The following RNF123 variants were observed in gnomAD, a reference collection of about 807,000 sequenced individuals.
RNF123 encodes the protein E3 ubiquitin-protein ligase RNF123.
In RNF123, 86 loss-of-function variants were observed where a neutral mutation model predicts 168.5. That is an observed-to-expected ratio of 0.51 (90% CI 0.43 to 0.61). RNF123 has a LOEUF of 0.61. Ranked by LOEUF, RNF123 falls within the 20% of genes least tolerant of loss-of-function variation. The pLI, the probability that RNF123 is intolerant of heterozygous loss-of-function variation, is 0.00. For synonymous variants in RNF123, 666 were observed against 689.1 expected (o/e 0.97, Z 0.52); for missense variants, 1,419 against 1,729.7 (o/e 0.82, Z 3.19).
At position 49,697,200 on chromosome 3, in the gene RNF123, C is replaced by T. The variant is rs1336605542; in HGVS notation, c.225C>T (p.Asp75=). ...ATTTGGACCAGTTGCTACAGGTGGACAATGAGGAGGAGGAAAGCCAGGGTA... is the reference window on the plus strand; with the variant it reads ...ATTTGGACCAGTTGCTACAGGTGGATAATGAGGAGGAGGAAAGCCAGGGTA... The part of the protein sequence containing the change: ...PEHLDQLLQV[D]NEEEESQGQV... The change falls in exon 4 of 39, where the codon GAC becomes GAT. Residue 75 remains aspartate (D), a synonymous_variant. Coordinates refer to ENST00000327697, the MANE Select transcript of RNF123 (RefSeq NM_022064.5). 1 of 1,614,032 alleles carries T rather than the reference C, an allele frequency of 6.2e-7. No homozygotes were observed. Among genetic ancestry groups the T allele is most frequent in the Non-Finnish European group, 8.5e-7 (1 of 1,179,974 alleles).
chr3:49,713,663 T>G (rs2080185896), intron 28 of RNF123, 75 bp from the exon 29 acceptor site: 1 of 1,572,436 alleles, frequency 6.4e-7, no homozygotes, highest in Non-Finnish European at 8.6e-7. Flanking sequence ...CTATGAAAAA[T>G]GTGGCCAGGT....
Position 49,719,098 on chromosome 3 carries a change from G to A in RNF123, c.3501-1413G>A, listed in dbSNP as rs2080324317. On this transcript the variant is annotated intron_variant, in intron 35 of 38. Coordinates refer to ENST00000327697, the MANE Select transcript of RNF123 (RefSeq NM_022064.5). ...CCCGTCGAGGTCGTGGCGGCCAAGC[G>A]CCCGCAACGTGTTAGATGATAGATC... 6.2e-6 allele frequency: 10 copies of A among 1,613,366 alleles called. No individual in the cohort carries two copies. Among genetic ancestry groups the A allele is most frequent in the Non-Finnish European group, 7.6e-6 (9 of 1,180,016 alleles).
intron 26 of RNF123, among the ~76,000 whole-genome samples, chr3:49,709,866 C>T (rs987982090): frequency 2.6e-5 from 4 of 152,262 alleles, no homozygotes; most frequent in Non-Finnish European, 5.9e-5. Context: ...AGCCACCGCG[C>T]CCGGCCAATT....
At position 49,703,558 on chromosome 3, in the gene RNF123, T is replaced by C. The variant is rs753741420; in HGVS notation, c.1852+30T>C. The C allele has an allele frequency of 1.9e-6, 3 of 1,581,128 alleles. No homozygotes were observed. The East Asian group carries it at 6.8e-5, about 36-fold the overall frequency. Reference sequence around the variant, plus strand: ...GTACAGGCCTGTGGGCCGGGAGCAGTTCTGGGGCCAGGTGGGGGACTGTCC... The same window carrying C: ...GTACAGGCCTGTGGGCCGGGAGCAGCTCTGGGGCCAGGTGGGGGACTGTCC... On this transcript the variant is annotated intron_variant, in intron 21 of 38. Coordinates refer to ENST00000327697, the MANE Select transcript of RNF123 (RefSeq NM_022064.5).
At position 49,720,798 on chromosome 3, in the gene RNF123, A is replaced by C; in HGVS notation, c.3644-2A>C. The C allele has an allele frequency of 1.2e-6, 2 of 1,614,160 alleles. No individual in the cohort carries two copies. Among genetic ancestry groups the C allele is most frequent in the Non-Finnish European group, 1.7e-6 (2 of 1,180,020 alleles). On this transcript the variant is annotated splice_acceptor_variant, in intron 36 of 38. Transcript: ENST00000327697. LOFTEE classifies it high-confidence loss of function. Reference sequence around the variant, plus strand: ...GACTTGACACTACCTACCACTCCCCAGATGCGGATTATATCAGTGCCGATG... The same window carrying C: ...GACTTGACACTACCTACCACTCCCCCGATGCGGATTATATCAGTGCCGATG...
chr3:49,703,921 G>T (rs888203417), intron 21 of RNF123, among the ~76,000 whole-genome samples: 1 of 152,232 alleles, frequency 6.6e-6, no homozygotes, highest in Non-Finnish European at 1.5e-5. Flanking sequence ...GGCTGCCGCA[G>T]TGTATACGCC....
At position 49,712,655 on chromosome 3, in the gene RNF123, AGGTG is replaced by A. The variant is rs1252349205; in HGVS notation, c.2674_2674+3del. 1 of 1,614,024 alleles carries A rather than the reference AGGTG, an allele frequency of 6.2e-7. No homozygotes were observed. Among genetic ancestry groups the A allele is most frequent in the Non-Finnish European group, 8.5e-7 (1 of 1,180,038 alleles). ...CCGTGCACAGCATGGAGGAGCTCCC[AGGTG>A]ATGGAACCATTCAGGCTGAGGCAGA... On this transcript the variant is annotated splice_donor_variant and splice_donor_region_variant and coding_sequence_variant and intron_variant, in exon 27 of 39. Transcript: ENST00000327697. LOFTEE classifies it high-confidence loss of function.
At position 49,698,460 on chromosome 3, in the gene RNF123, C is replaced by G; in HGVS notation, c.504C>G (p.His168Gln). 5 of 1,613,926 alleles carry G rather than the reference C, an allele frequency of 3.1e-6. No homozygotes were observed. Among genetic ancestry groups the G allele is most frequent in the South Asian group, 1.1e-5 (1 of 91,088 alleles). Residue 168 changes from histidine to glutamine, a missense_variant, in exon 8 of 39, where the codon CAC (histidine) becomes CAG (glutamine). Transcript: ENST00000327697. Reference sequence around the variant, plus strand: ...CCTAGGAGGGGGTTGGAGATACACACAACTCCTATGCCTATGATGGCAACC... The same window carrying G: ...CCTAGGAGGGGGTTGGAGATACACAGAACTCCTATGCCTATGATGGCAACC... ...FNQEEGVGDTHNSYAYDGNRV... is the reference protein window; with the variant it reads ...FNQEEGVGDTQNSYAYDGNRV...
intron 3 of RNF123, among the ~76,000 whole-genome samples, chr3:49,696,077 CT>C (rs1488672699): frequency 2.0e-5 from 3 of 152,188 alleles, no homozygotes; most frequent in Admixed American, 2.0e-4. Flanking sequence ...ACTCCCCTGG[CT>C]GGGTGGTGGC....
At chr3:49,709,987 G>A (rs976838559) in intron 26 of RNF123, among the ~76,000 whole-genome samples, 7 of 151,946 alleles carry the variant, frequency 4.6e-5, no homozygotes, top group African/African-American at 1.5e-4. Flanking sequence ...TATCCTTACC[G>A]ACACTTCTTA....
In RNF123 at chr3:49,699,733, C is replaced by T; in HGVS notation, c.945C>T (p.Leu315=). 6.2e-7 allele frequency: 1 copy of T among 1,613,724 alleles called. No individual in the cohort carries two copies. The highest frequency in any genetic ancestry group is 8.5e-7 in the Non-Finnish European group (1 of 1,180,010). ...TGCGGGGCCAGCCCACCGTCCTCCTCACACTGGCCCACATCTTCCATCACT... is the reference window on the plus strand; with the variant it reads ...TGCGGGGCCAGCCCACCGTCCTCCTTACACTGGCCCACATCTTCCATCACT... ...WRLRGQPTVL[L]TLAHIFHHFA... Residue 315 remains leucine, a synonymous_variant, in exon 12 of 39, where the codon CTC becomes CTT. Coordinates refer to ENST00000327697, the MANE Select transcript of RNF123 (RefSeq NM_022064.5). This position sits in a 1 kb window ranked among gnomAD's most constrained non-coding sequence, Gnocchi z 4.8.
At chr3:49,706,111 C>A in intron 25 of RNF123, 46 bp downstream of exon 25, 1 of 1,527,126 alleles carries the variant, frequency 6.5e-7, no homozygotes. Flanking sequence ...CTTACTCGTA[C>A]AGGTAACCAC....
chr3:49,716,315 A>G (rs2108200990), intron 34 of RNF123, 78 bp from the exon 35 acceptor site: 1 of 1,554,478 alleles, frequency 6.4e-7, no homozygotes, highest in East Asian at 2.3e-5. Context: ...CCTTCTGTAG[A>G]GAGGGCAGTG....
At chr3:49,719,659 C>A in intron 35 of RNF123, 1 of 574,848 alleles carries the variant, frequency 1.7e-6, no homozygotes, top group Non-Finnish European at 3.1e-6. Context: ...CTTAGCCGCG[C>A]TCCCTTCGGC....
rs750146737 is a variant in RNF123, at chr3:49,712,344, C to T, written c.2497-135C>T. On this transcript the variant is annotated intron_variant, in intron 26 of 38. Transcript: ENST00000327697. Reference sequence around the variant, plus strand: ...CTTGATTGCCCTGCTTGAGCTACTGCTCATGCTTCCTGAAATCCAGGTCTC... The same window carrying T: ...CTTGATTGCCCTGCTTGAGCTACTGTTCATGCTTCCTGAAATCCAGGTCTC... 3.5e-5 allele frequency: 28 copies of T among 788,998 alleles called. 1 individual carries two copies. The highest frequency in any genetic ancestry group is 5.2e-5 in the Non-Finnish European group (26 of 497,456). 48.9% of individuals were successfully genotyped at this position (788,998 alleles called of 1,614,324 possible).
chr3:49,690,976 G>A (rs1033749019), intron 1 of RNF123, among the ~76,000 whole-genome samples, 154 bp from the exon 2 acceptor site: 7 of 152,196 alleles, frequency 4.6e-5, no homozygotes, highest in African/African-American at 1.7e-4. Flanking sequence ...TCCCTGTGTA[G>A]GAAGCTGGGA....
chr3:49,694,073 G>T (rs1019094158), intron 3 of RNF123, among the ~76,000 whole-genome samples: 1 of 151,980 alleles, frequency 6.6e-6, no homozygotes, highest in African/African-American at 2.4e-5. Flanking sequence ...TTTGTTGATC[G>T]TTTACTTTGC....
chr3:49,698,808 T>A lies in RNF123; in HGVS notation c.624T>A (p.Thr208=). The A allele has an allele frequency of 6.2e-7, 1 of 1,613,926 alleles. No homozygotes were observed. Among genetic ancestry groups the A allele is most frequent in the Non-Finnish European group, 8.5e-7 (1 of 1,179,936 alleles). ...GCCTGATTGACCTGGATGATGGCACTCTGTCCTTCTGCCTGTGAGTTTCCT... is the reference window on the plus strand; with the variant it reads ...GCCTGATTGACCTGGATGATGGCACACTGTCCTTCTGCCTGTGAGTTTCCT... ...VSCLIDLDDG[T]LSFCLNGVSL... The change falls in exon 9 of 39, where the codon ACT becomes ACA. Residue 208 remains threonine, a synonymous_variant. Coordinates refer to ENST00000327697, the MANE Select transcript of RNF123 (RefSeq NM_022064.5).
rs376007228 is a variant in RNF123 at position 49,720,855 on chromosome 3, C to A, written c.3699C>A (p.His1233Gln). 185 of 1,614,054 alleles carry A rather than the reference C, an allele frequency of 1.1e-4. 1 individual carries two copies. Among genetic ancestry groups the A allele is most frequent in the Middle Eastern group, 1.6e-4 (1 of 6,084 alleles). Residue 1233 changes from histidine (H) to glutamine (Q), a missense_variant, in exon 37 of 39, where the codon CAC becomes CAA. By Grantham distance (24) the His-to-Gln change is conservative. Coordinates refer to ENST00000327697, the MANE Select transcript of RNF123 (RefSeq NM_022064.5). ...CCCAAGTGGAACAGATGCTGGCGCACCTGACCTCTGCATCTGCCCAGGCAG... is the reference window on the plus strand; with the variant it reads ...CCCAAGTGGAACAGATGCTGGCGCAACTGACCTCTGCATCTGCCCAGGCAG... The part of the protein sequence containing the change: ...ELAQVEQMLA[H>Q]LTSASAQAAA...
Sources: allele counts gnomAD v4.1 joint callset (sites outside exome capture counted in the v4.1 genomes callset), GRCh38; gene constraint gnomAD v4.1.1; non-coding constraint Gnocchi (gnomAD v3.1); transcripts MANE v1.5; gene names NCBI Gene and HGNC (gene_info 2026-07-23, HGNC 2026-07-21).